The following SEPTIN9 variants were observed in gnomAD, a reference collection of about 807,000 sequenced individuals.
SEPTIN9 encodes septin 9.
In SEPTIN9, 13 loss-of-function variants were observed where a neutral mutation model predicts 56.6. The ratio of observed to expected loss-of-function variants is 0.23; its 90% CI spans 0.15 to 0.37. SEPTIN9 has a LOEUF of 0.37. SEPTIN9 is among the 10% of genes least tolerant of loss of function. The pLI is 1.00. For missense variants in SEPTIN9, 650 were observed against 823.1 expected, an observed-to-expected ratio of 0.79 and a Z score of 2.57; for synonymous variants, 332 against 334.1, an observed-to-expected ratio of 0.99 and a Z score of 0.07.
chr17:77,428,009 C>T lies in SEPTIN9; in HGVS notation c.721+25306C>T, dbSNP rs541849116. 2.6e-5 allele frequency among the ~76,000 whole-genome samples: 4 copies of T among 152,346 alleles called. No individual in the cohort carries two copies. In the East Asian group the frequency reaches 7.7e-4, roughly 29 times the overall value. On this transcript the variant is annotated intron_variant, in intron 3 of 11. Coordinates refer to ENST00000427177, the MANE Select transcript of SEPTIN9 (RefSeq NM_001113491.2). ...TTTATTGTCATCAGTGCCATCCTTG[C>T]ACCACGTAACTAGCCTTTGCAGCAT...
At chr17:77,385,254 C>T (rs1423038436) in intron 2 of SEPTIN9, among the ~76,000 whole-genome samples, 1 of 151,654 alleles carries the variant, frequency 6.6e-6, no homozygotes, top group Non-Finnish European at 1.5e-5. Flanking sequence ...CCTCTGCCTC[C>T]CAGGTTCAGG....
At chr17:77,460,079 C>G (rs139273522) in intron 3 of SEPTIN9, among the ~76,000 whole-genome samples, 14 of 152,072 alleles carry the variant, frequency 9.2e-5, no homozygotes, top group Non-Finnish European at 1.9e-4. Context: ...CCCCACCCCC[C>G]CCAGGCCTTA....
intron 1 of SEPTIN9, among the ~76,000 whole-genome samples, chr17:77,305,612 G>T (rs9907730): frequency 0.87 from 132,595 of 151,688 alleles, 58,079 homozygotes; most frequent in East Asian, 0.99. Flanking sequence ...GGGCCCATCT[G>T]GGGGTTCCCT....
At chr17:77,346,804 C>T (rs774337595) in intron 2 of SEPTIN9, among the ~76,000 whole-genome samples, 6 of 152,072 alleles carry the variant, frequency 3.9e-5, no homozygotes, top group Non-Finnish European at 8.8e-5. Context: ...TATGTTGGAG[C>T]TTAATCTCTG....
At chr17:77,376,314 G>A in intron 2 of SEPTIN9, 8 of 985,984 alleles carry the variant, frequency 8.1e-6, no homozygotes, top group Non-Finnish European at 9.6e-6. Flanking sequence ...CATCTGGAGT[G>A]GCTGGGAATG....
At chr17:77,411,237 T>C (rs1022146975) in intron 3 of SEPTIN9, among the ~76,000 whole-genome samples, 17 of 152,240 alleles carry the variant, frequency 1.1e-4, no homozygotes, top group Non-Finnish European at 2.5e-4. Context: ...CTGAATTTTA[T>C]TCCTGCAGAG....
intron 1 of SEPTIN9, among the ~76,000 whole-genome samples, chr17:77,289,521 G>A (rs2031440465): frequency 6.8e-6 from 1 of 146,158 alleles, no homozygotes; most frequent in Non-Finnish European, 1.5e-5. Flanking sequence ...CGATTCTCTT[G>A]CCTCAGCCTC....
At chr17:77,291,370 G>A (rs1359058253) in intron 1 of SEPTIN9, among the ~76,000 whole-genome samples, 7 of 151,264 alleles carry the variant, frequency 4.6e-5, no homozygotes, top group Non-Finnish European at 1.0e-4. Context: ...TGTAGCAGCC[G>A]GGCGCGGTGG....
At chr17:77,320,285 G>T (rs759666365) in intron 2 of SEPTIN9, 2 of 1,611,972 alleles carry the variant, frequency 1.2e-6, no homozygotes, top group South Asian at 1.1e-5. Context: ...GCCTCTGAGC[G>T]GGACGCCGGG....
chr17:77,346,428 A>G (rs145771733), intron 2 of SEPTIN9, among the ~76,000 whole-genome samples: 1 of 150,904 alleles, frequency 6.6e-6, no homozygotes, highest in East Asian at 1.9e-4. Flanking sequence ...TTTTCTTGTG[A>G]TTTCCTCTTT....
chr17:77,408,274 C>T (rs2036162820), intron 3 of SEPTIN9, among the ~76,000 whole-genome samples: 1 of 152,196 alleles, frequency 6.6e-6, no homozygotes, highest in Non-Finnish European at 1.5e-5. Context: ...ATGTATCCAC[C>T]CACCCCAAGA....
At chr17:77,468,907 C>T (rs2144551560) in intron 3 of SEPTIN9, among the ~76,000 whole-genome samples, 1 of 152,302 alleles carries the variant, frequency 6.6e-6, no homozygotes, top group South Asian at 2.1e-4. Context: ...CCAGGCCCGG[C>T]CCCTGGAGAT....
In SEPTIN9 at chr17:77,326,765, G is replaced by C. The variant is rs1462610893; in HGVS notation, c.76+19568G>C. On this transcript the variant is annotated intron_variant, in intron 2 of 11. Coordinates refer to ENST00000427177, the MANE Select transcript of SEPTIN9 (RefSeq NM_001113491.2). This position sits in a 1 kb window ranked among gnomAD's most constrained non-coding sequence, Gnocchi z 5.1. ...AGGGAAGACCAGGTAGAATCACAAG[G>C]TTCAGCACCACCCCGCAACCTCCAG... Among the ~76,000 whole-genome samples the C allele has an allele frequency of 6.6e-6, 1 of 152,164 alleles. No individual in the cohort carries two copies. Among genetic ancestry groups the C allele is most frequent in the Admixed American group, 6.5e-5 (1 of 15,284 alleles).
chr17:77,456,513 GC>G lies in SEPTIN9; in HGVS notation c.722-25627del, dbSNP rs1200834702. 1 of 152,568 alleles carries G rather than the reference GC, an allele frequency of 6.6e-6. No individual in the cohort carries two copies. The highest frequency in any genetic ancestry group is 1.9e-4 in the East Asian group (1 of 5,200). 9.5% of individuals were successfully genotyped at this position (152,568 alleles called of 1,614,324 possible). The stretch of plus-strand genomic sequence containing the variant: ...ACCAGGTCCCCACCACCAGGTATGG[GC>G]CCCACAGGCACTACTGGCTCCCCGA... On this transcript the variant is annotated intron_variant, in intron 3 of 11. Transcript: ENST00000427177. This position sits in a 1 kb window ranked among gnomAD's most constrained non-coding sequence, Gnocchi z 6.0.
rs1331151330 is a variant in SEPTIN9 at position 77,449,269 on chromosome 17, G to A, written c.722-32875G>A. The stretch of plus-strand genomic sequence containing the variant: ...AAGTGCTGAAGGACAGAGGCTTTGT[G>A]TGGGGGATGCAGCCCCAGGCCGGAG... On this transcript the variant is annotated intron_variant, in intron 3 of 11. Coordinates refer to ENST00000427177, the MANE Select transcript of SEPTIN9 (RefSeq NM_001113491.2). The surrounding 1 kb of genome is among the most constrained non-coding windows in gnomAD (Gnocchi z 4.6). 6.6e-6 allele frequency among the ~76,000 whole-genome samples: 1 copy of A among 152,190 alleles called. No individual in the cohort carries two copies. The highest frequency in any genetic ancestry group is 1.5e-5 in the Non-Finnish European group (1 of 68,034).
At chr17:77,293,925 G>A (rs1476910652) in intron 1 of SEPTIN9, among the ~76,000 whole-genome samples, 2 of 151,922 alleles carry the variant, frequency 1.3e-5, no homozygotes, top group Non-Finnish European at 2.9e-5. Flanking sequence ...GCAGCGTGGC[G>A]AAACCCCGTC....
At position 77,450,483 on chromosome 17, in the gene SEPTIN9, C is replaced by A. The variant is rs978003364; in HGVS notation, c.722-31661C>A. 6 of 985,310 alleles carry A rather than the reference C, an allele frequency of 6.1e-6. No individual in the cohort carries two copies. Among genetic ancestry groups the A allele is most frequent in the Non-Finnish European group, 7.2e-6 (6 of 829,934 alleles). The allele number at this position is 985,310 out of a possible 1,614,324, so 61.0% of individuals were successfully genotyped here. ...CCCTCGGAACGAGCCCACTCCCAGG[C>A]GCTCTCTCCTAGTGTGGGAGTGGCC... On this transcript the variant is annotated intron_variant, in intron 3 of 11. Coordinates refer to ENST00000427177, the MANE Select transcript of SEPTIN9 (RefSeq NM_001113491.2). This position sits in a 1 kb window ranked among gnomAD's most constrained non-coding sequence, Gnocchi z 6.0.
chr17:77,451,585 G>A lies in SEPTIN9; in HGVS notation c.722-30559G>A. 8.1e-6 allele frequency: 8 copies of A among 981,814 alleles called. No homozygotes were observed. Among genetic ancestry groups the A allele is most frequent in the Non-Finnish European group, 8.5e-6 (7 of 826,640 alleles). 60.8% of individuals were successfully genotyped at this position (981,814 alleles called of 1,614,324 possible). A position where few individuals can be genotyped will look rare whatever the true frequency, so the allele number is the denominator to read the frequency against. ...TGCACCACTGGCTCGGGGGCTCTCAGGTGGCGCGGCCGCGAGGCGGACCCT... is the reference window on the plus strand; with the variant it reads ...TGCACCACTGGCTCGGGGGCTCTCAAGTGGCGCGGCCGCGAGGCGGACCCT... On this transcript the variant is annotated intron_variant, in intron 3 of 11. Coordinates refer to ENST00000427177, the MANE Select transcript of SEPTIN9 (RefSeq NM_001113491.2). This position sits in a 1 kb window ranked among gnomAD's most constrained non-coding sequence, Gnocchi z 4.2.
rs753778614 is a variant in SEPTIN9 at position 77,402,581 on chromosome 17, C to A, written c.599C>A (p.Thr200Asn). ...ATGCCCAAGCCTGCTGAGGCGCCCA[C>A]CGCCCCCAGCCCAGCCCAGACCTTG... is the stretch of plus-strand genomic sequence containing the variant. ...IQMPKPAEAPTAPSPAQTLEN... is the reference protein window; with the variant it reads ...IQMPKPAEAPNAPSPAQTLEN... Residue 200 changes from threonine (T) to asparagine (N), a missense_variant, in exon 3 of 12, where the codon ACC (threonine) becomes AAC (asparagine). Transcript: ENST00000427177. The surrounding 1 kb of genome is among the most constrained non-coding windows in gnomAD (Gnocchi z 6.6). 9 of 1,611,646 alleles carry A rather than the reference C, an allele frequency of 5.6e-6. No individual in the cohort carries two copies. The East Asian group carries it at 1.8e-4, about 32-fold the overall frequency.
Sources: gnomAD v4.1 joint callset for allele counts (sites outside exome capture counted in the v4.1 genomes callset) on GRCh38, gnomAD v4.1.1 for gene constraint, Gnocchi (gnomAD v3.1) non-coding constraint, MANE v1.5 for transcripts, NCBI Gene and HGNC (gene_info 2026-07-23, HGNC 2026-07-21) for gene names.